The following DYNC1I1 variants were observed in gnomAD, a reference collection of about 807,000 sequenced individuals.
The protein encoded by DYNC1I1 is dynein cytoplasmic 1 intermediate chain 1.
In DYNC1I1, 43 loss-of-function variants were observed where a neutral mutation model predicts 86.6. That is an observed-to-expected ratio of 0.50 (90% CI 0.39 to 0.64). The LOEUF (loss-of-function observed/expected upper bound fraction) is 0.64. DYNC1I1 is among the 30% of genes least tolerant of loss of function. The pLI, the probability that DYNC1I1 is intolerant of heterozygous loss-of-function variation, is 0.00. For missense variants in DYNC1I1, 604 were observed against 788.8 expected, an observed-to-expected ratio of 0.77 and a Z score of 2.81; for synonymous variants, 262 against 283.7, an observed-to-expected ratio of 0.92 and a Z score of 0.77.
intron 14 of DYNC1I1, among the ~76,000 whole-genome samples, chr7:96,057,538 G>GT (rs1554440478): frequency 4.6e-5 from 7 of 152,034 alleles, no homozygotes; most frequent in Non-Finnish European, 4.4e-5. Context: ...TATCTACCAG[G>GT]TTTTTTCTGG....
chr7:96,058,584 A>T (rs1789655941), intron 14 of DYNC1I1, among the ~76,000 whole-genome samples: 1 of 152,150 alleles, frequency 6.6e-6, no homozygotes, highest in Admixed American at 6.5e-5. Flanking sequence ...GACTTCACAA[A>T]CTGTTTATTC....
At chr7:96,020,560 C>T (rs1794521633) in intron 10 of DYNC1I1, among the ~76,000 whole-genome samples, 1 of 152,174 alleles carries the variant, frequency 6.6e-6, no homozygotes, top group East Asian at 1.9e-4. Flanking sequence ...AGTGGGGACA[C>T]AGTCAAACCA....
chr7:96,020,924 T>C (rs1178134420), intron 10 of DYNC1I1, among the ~76,000 whole-genome samples: 1 of 152,166 alleles, frequency 6.6e-6, no homozygotes, highest in Non-Finnish European at 1.5e-5. Context: ...AATACTTATA[T>C]GAGGTACCTC....
intron 10 of DYNC1I1, among the ~76,000 whole-genome samples, chr7:96,020,401 G>C (rs1360913460): frequency 6.6e-6 from 1 of 152,060 alleles, no homozygotes; most frequent in South Asian, 2.1e-4. Context: ...ATAAAAGCTC[G>C]TGCAGGGAAA....
At chr7:95,916,145 A>T (rs1791462349) in intron 6 of DYNC1I1, among the ~76,000 whole-genome samples, 1 of 152,220 alleles carries the variant, frequency 6.6e-6, no homozygotes, top group Non-Finnish European at 1.5e-5. Flanking sequence ...TATTTAAAAT[A>T]TTTATTTAAA....
intron 5 of DYNC1I1, among the ~76,000 whole-genome samples, chr7:95,847,838 A>T (rs1789475322): frequency 6.6e-6 from 1 of 152,098 alleles, no homozygotes; most frequent in African/African-American, 2.4e-5. Context: ...CTATCCTTGA[A>T]ATTCACACCA....
intron 4 of DYNC1I1, among the ~76,000 whole-genome samples, chr7:95,823,187 A>G (rs761409068): frequency 1.3e-5 from 2 of 152,158 alleles, no homozygotes; most frequent in Non-Finnish European, 2.9e-5. Context: ...ACCTAAGTCC[A>G]ATAAACTAAG....
At position 95,972,747 on chromosome 7, in the gene DYNC1I1, C is replaced by T. The variant is rs573264049; in HGVS notation, c.491-4765C>T. Among the ~76,000 whole-genome samples, 21 of 152,246 alleles carry T rather than the reference C, an allele frequency of 1.4e-4. No individual in the cohort carries two copies. The South Asian group carries it at 3.5e-3, about 26-fold the overall frequency. On this transcript the variant is annotated intron_variant, in intron 6 of 16. Coordinates refer to ENST00000447467, the MANE Select transcript of DYNC1I1 (RefSeq NM_001135556.2). ...CAGAGCCATGGACTAGTGGAGGAAA[C>T]GAACTCTTCTGGAGCTCAGGCAAAG...
rs534820754 is a variant in DYNC1I1 at position 96,046,844 on chromosome 7, G to A, written c.1509+7423G>A. ...CCAGTGACTGAGACAGGACATGCAA[G>A]GGGAGGAGTGGGCTTGGGTTAGAGG... On this transcript the variant is annotated intron_variant, in intron 14 of 16. Coordinates refer to ENST00000447467, the MANE Select transcript of DYNC1I1 (RefSeq NM_001135556.2). Among the ~76,000 whole-genome samples the A allele has an allele frequency of 3.3e-5, 5 of 152,342 alleles. No individual in the cohort carries two copies. In the East Asian group the frequency reaches 9.6e-4, roughly 29 times the overall value.
At chr7:96,027,306 G>A (rs945691174) in intron 10 of DYNC1I1, among the ~76,000 whole-genome samples, 4 of 152,168 alleles carry the variant, frequency 2.6e-5, no homozygotes, top group Admixed American at 2.6e-4. Context: ...AATTACTTTA[G>A]CTTATAAATG....
intron 14 of DYNC1I1, among the ~76,000 whole-genome samples, chr7:96,062,548 G>A (rs1789813226): frequency 6.6e-6 from 1 of 151,964 alleles, no homozygotes; most frequent in Non-Finnish European, 1.5e-5. Context: ...AGTCGCTTCG[G>A]CAATCAGACA....
At chr7:95,887,561 A>G (rs1790626670) in intron 6 of DYNC1I1, among the ~76,000 whole-genome samples, 1 of 152,292 alleles carries the variant, frequency 6.6e-6, no homozygotes, top group African/African-American at 2.4e-5. Context: ...TATAGCATTT[A>G]TATTTCCTAT....
At chr7:95,912,529 C>A (rs1427745098) in intron 6 of DYNC1I1, among the ~76,000 whole-genome samples, 3 of 152,122 alleles carry the variant, frequency 2.0e-5, no homozygotes, top group Non-Finnish European at 4.4e-5. Flanking sequence ...TTTGCAGGGA[C>A]ATAGAGTGAA....
chr7:95,901,296 A>T (rs545672545), intron 6 of DYNC1I1, among the ~76,000 whole-genome samples: 7 of 152,348 alleles, frequency 4.6e-5, no homozygotes, highest in African/African-American at 1.7e-4. Context: ...ATCTGGGCCA[A>T]GATCAGACTG....
At chr7:95,975,685 C>A (rs1265150626) in intron 6 of DYNC1I1, among the ~76,000 whole-genome samples, 1 of 152,166 alleles carries the variant, frequency 6.6e-6, no homozygotes, top group Admixed American at 6.5e-5. Context: ...ATAGTTCTGG[C>A]CTTATCACCT....
At chr7:95,813,093 C>CTTTTTTTTTT (rs11452827) in intron 3 of DYNC1I1, 154 bp from the exon 4 acceptor site, 9 of 1,114,300 alleles carry the variant, frequency 8.1e-6, no homozygotes, top group Admixed American at 3.2e-5. Flanking sequence ...CTTTTCTTTC[C>CTTTTTTTTTT]TTTTTTTTTT....
chr7:95,782,814 G>A (rs1221331311), intron 1 of DYNC1I1, among the ~76,000 whole-genome samples: 3 of 152,112 alleles, frequency 2.0e-5, no homozygotes, highest in Non-Finnish European at 4.4e-5. Flanking sequence ...GAGCTGGAAA[G>A]GGGATGGAGT....
At chr7:96,091,986 A>G (rs17776512) in intron 16 of DYNC1I1, among the ~76,000 whole-genome samples, 35,857 of 152,122 alleles carry the variant, frequency 0.24, 4,883 homozygotes, top group East Asian at 0.38. Context: ...AGTTACAATA[A>G]ATACTTATAT....
chr7:95,818,088 T>C (rs1794986633), intron 4 of DYNC1I1, among the ~76,000 whole-genome samples: 1 of 152,166 alleles, frequency 6.6e-6, no homozygotes, highest in Non-Finnish European at 1.5e-5. Context: ...CAATATCCTG[T>C]CACAATAATA....
Sources: allele counts gnomAD v4.1 joint callset (sites outside exome capture counted in the v4.1 genomes callset), GRCh38; gene constraint gnomAD v4.1.1; transcripts MANE v1.5; gene names NCBI Gene and HGNC (gene_info 2026-07-23, HGNC 2026-07-21).